METTL15: variants seen among roughly 807,000 people sequenced by gnomAD.
The protein encoded by METTL15 is methyltransferase 15, mitochondrial 12S rRNA N4-cytidine.
A neutral mutation model predicts 38.3 loss-of-function variants in METTL15; 34 were observed. The ratio of observed to expected loss-of-function variants is 0.89; its 90% CI spans 0.68 to 1.18. METTL15 has a LOEUF of 1.18. Among genes scored for constraint, METTL15 ranks in the 50% most tolerant of loss-of-function variants. METTL15 has a pLI of 0.00. For missense variants in METTL15, 438 were observed against 498.4 expected (o/e 0.88, Z 1.15); for synonymous variants, 162 against 170.9 (o/e 0.95, Z 0.41).
intron 3 of METTL15, among the ~76,000 whole-genome samples, chr11:28,192,220 A>T (rs1242372927): frequency 6.6e-6 from 1 of 151,896 alleles, no homozygotes; most frequent in Non-Finnish European, 1.5e-5. Flanking sequence ...TCTGACAATA[A>T]ATGATAACAC....
intron 3 of METTL15, among the ~76,000 whole-genome samples, chr11:28,168,107 C>G (rs1345864316): frequency 2.0e-5 from 3 of 151,838 alleles, no homozygotes; most frequent in Non-Finnish European, 4.4e-5. Flanking sequence ...CTTTTTCTTT[C>G]TCTTCCTCTG....
At chr11:28,319,448 A>G (rs561817204) in intron 6 of METTL15, among the ~76,000 whole-genome samples, 21 of 151,886 alleles carry the variant, frequency 1.4e-4, no homozygotes, top group African/African-American at 4.8e-4. Flanking sequence ...ATATAATAAA[A>G]TAAGGTGTTG....
chr11:28,140,024 G>A (rs1360212048), intron 3 of METTL15, among the ~76,000 whole-genome samples: 2 of 152,314 alleles, frequency 1.3e-5, no homozygotes, highest in East Asian at 3.9e-4. Flanking sequence ...GTGGCTGTTG[G>A]ATGGAGCATG....
chr11:28,257,505 T>C (rs1234959198), intron 4 of METTL15, among the ~76,000 whole-genome samples: 1 of 152,210 alleles, frequency 6.6e-6, no homozygotes, highest in Non-Finnish European at 1.5e-5. Flanking sequence ...CTAGACCTTC[T>C]CTTTAAGGCC....
At chr11:28,336,985 A>G (rs999883061), downstream of METTL15, among the ~76,000 whole-genome samples, 2 of 152,176 alleles carry the variant, frequency 1.3e-5, no homozygotes, top group Non-Finnish European at 2.9e-5. Flanking sequence ...CAAGATGCAG[A>G]GGTAGAAGAT....
chr11:28,400,289 A>G (rs1178828939), intron 5 of METTL15, among the ~76,000 whole-genome samples: 1 of 151,802 alleles, frequency 6.6e-6, no homozygotes, highest in Non-Finnish European at 1.5e-5. Context: ...ATTTGACTTC[A>G]GTGACGCAAG....
intron 5 of METTL15, among the ~76,000 whole-genome samples, chr11:28,409,618 TGCA>T (rs2133411684): frequency 6.6e-6 from 1 of 152,074 alleles, no homozygotes; most frequent in African/African-American, 2.4e-5. Context: ...ATCTATGGGA[TGCA>T]GCAAAAGCAG....
chr11:28,170,417 G>A (rs1426459767), intron 3 of METTL15, among the ~76,000 whole-genome samples: 2 of 152,094 alleles, frequency 1.3e-5, no homozygotes, highest in Non-Finnish European at 2.9e-5. Flanking sequence ...CTTGGACCTT[G>A]TGTAAAAACA....
At chr11:28,322,021 A>G (rs544378396) in intron 6 of METTL15, among the ~76,000 whole-genome samples, 25 of 152,158 alleles carry the variant, frequency 1.6e-4, no homozygotes, top group Admixed American at 3.3e-4. Context: ...TTTGAACCTC[A>G]TATACTAAAA....
chr11:28,379,949 C>G (rs1850363219), intron 5 of METTL15, among the ~76,000 whole-genome samples: 1 of 152,090 alleles, frequency 6.6e-6, no homozygotes, highest in African/African-American at 2.4e-5. Context: ...TTGGCTTTTT[C>G]ATTATATAGC....
At chr11:28,446,341 T>C (rs1851075044) in intron 6 of METTL15, among the ~76,000 whole-genome samples, 1 of 152,150 alleles carries the variant, frequency 6.6e-6, no homozygotes, top group African/African-American at 2.4e-5. Context: ...TAATTCTGTG[T>C]GTAGCTTCCA....
intron 3 of METTL15, among the ~76,000 whole-genome samples, chr11:28,128,418 G>A (rs1024560149): frequency 1.3e-5 from 2 of 151,992 alleles, no homozygotes; most frequent in East Asian, 1.9e-4. Context: ...AAAGACATTC[G>A]GGGAGTACAG....
chr11:28,154,391 G>C lies in METTL15; in HGVS notation c.270+40787G>C, dbSNP rs146786135. 7.6e-3 allele frequency among the ~76,000 whole-genome samples: 1,150 copies of C among 152,082 alleles called. 6 individuals carry two copies. The highest frequency in any genetic ancestry group is 0.013 in the Non-Finnish European group (901 of 67,950). ...GTAGTTTCTTCCTTGCCATGAACGT[G>C]TTCTGTAATCTTTGGCAAGTCACTT... On this transcript the variant is annotated intron_variant, in intron 3 of 6. Transcript: ENST00000407364.
chr11:28,254,121 C>T (rs1170655327), intron 4 of METTL15, among the ~76,000 whole-genome samples: 8 of 152,178 alleles, frequency 5.3e-5, no homozygotes, highest in South Asian at 2.1e-4. Flanking sequence ...GTTCCCTTTT[C>T]TCTACATTCT....
intron 4 of METTL15, among the ~76,000 whole-genome samples, chr11:28,353,798 G>A (rs1271499561): frequency 2.0e-5 from 3 of 151,644 alleles, no homozygotes; most frequent in Admixed American, 6.6e-5. Context: ...GGTGGCGGGC[G>A]CCTGTAGTCC....
chr11:28,474,182 A>C (rs570478476), intron 6 of METTL15, among the ~76,000 whole-genome samples: 81 of 151,944 alleles, frequency 5.3e-4, no homozygotes, highest in African/African-American at 1.9e-3. Flanking sequence ...CCTTAATAAC[A>C]GAAAATATTT....
intron 4 of METTL15, among the ~76,000 whole-genome samples, chr11:28,214,305 A>G (rs1002968883): frequency 6.6e-6 from 1 of 152,186 alleles, no homozygotes; most frequent in African/African-American, 2.4e-5. Flanking sequence ...CAGGACTGGG[A>G]TTATAGGCAT....
intron 5 of METTL15, among the ~76,000 whole-genome samples, chr11:28,377,609 C>T (rs1263577935): frequency 2.0e-5 from 3 of 151,736 alleles, no homozygotes; most frequent in African/African-American, 7.3e-5. Flanking sequence ...TTTGAATGTC[C>T]TCCCGTAGCT....
At chr11:28,252,165 A>T (rs1403701893) in intron 4 of METTL15, among the ~76,000 whole-genome samples, 1 of 152,136 alleles carries the variant, frequency 6.6e-6, no homozygotes, top group Non-Finnish European at 1.5e-5. Flanking sequence ...CTCATAGGGG[A>T]TATACTCAAG....
Sources: gnomAD v4.1 joint callset for allele counts (sites outside exome capture counted in the v4.1 genomes callset) on GRCh38, gnomAD v4.1.1 for gene constraint, MANE v1.5 for transcripts, NCBI Gene and HGNC (gene_info 2026-07-23, HGNC 2026-07-21) for gene names.